Variants in CDH1 observed in about 807,000 individuals in gnomAD.
CDH1 encodes the protein cadherin 1, also known as cadherin-1.
In CDH1, 35 loss-of-function variants were observed where a neutral mutation model predicts 84.5. That is an observed-to-expected ratio of 0.41 (90% CI 0.32 to 0.55). The LOEUF (loss-of-function observed/expected upper bound fraction) is 0.55, where lower values mean the gene tolerates loss of function less well. Among genes scored for constraint, CDH1 ranks in the 20% least tolerant of loss-of-function variants. The pLI, the probability that CDH1 is intolerant of heterozygous loss-of-function variation, is 0.19. For synonymous variants in CDH1, 417 were observed against 439.0 expected, an observed-to-expected ratio of 0.95 and a Z score of 0.63; for missense variants, 994 against 1,126.6, an observed-to-expected ratio of 0.88 and a Z score of 1.68.
intron 2 of CDH1, among the ~76,000 whole-genome samples, chr16:68,775,443 G>A (rs1198782290): frequency 1.3e-5 from 2 of 152,100 alleles, no homozygotes; most frequent in African/African-American, 2.4e-5. Flanking sequence ...ATCACCTCCC[G>A]AGATCCTTGT....
At position 68,829,774 on chromosome 16, in the gene CDH1, G is replaced by A. The variant is rs376922615; in HGVS notation, c.2416G>A (p.Glu806Lys). The A allele has an allele frequency of 2.5e-5, 40 of 1,613,816 alleles. No individual in the cohort carries two copies. The highest frequency in any genetic ancestry group is 3.2e-5 in the Non-Finnish European group (38 of 1,179,994). Residue 806 changes from glutamate to lysine, a missense_variant, in exon 15 of 16, where the codon GAA (glutamate) becomes AAA (lysine). Coordinates refer to ENST00000261769, the MANE Select transcript of CDH1 (RefSeq NM_004360.5). ...RYLPRPANPD[E>K]IGNFIDENLK... ...TCTTCCCCGCCCTGCCAATCCCGAT[G>A]AAATTGGAAATTTTATTGATGAAGT...
At chr16:68,768,723 A>G (rs1959458197) in intron 2 of CDH1, among the ~76,000 whole-genome samples, 2 of 152,168 alleles carry the variant, frequency 1.3e-5, no homozygotes, top group East Asian at 1.9e-4. Flanking sequence ...AATTGTGTGT[A>G]AAGTCACTAT....
At chr16:68,751,952 AT>A (rs34163550) in intron 2 of CDH1, among the ~76,000 whole-genome samples, 69,310 of 125,498 alleles carry the variant, frequency 0.55, 18,244 homozygotes, top group Non-Finnish European at 0.6. Flanking sequence ...GTATTTTTGT[AT>A]TTTTTTTTTT....
At chr16:68,781,797 G>A (rs1249416992) in intron 2 of CDH1, among the ~76,000 whole-genome samples, 1 of 152,062 alleles carries the variant, frequency 6.6e-6, no homozygotes, top group African/African-American at 2.4e-5. Flanking sequence ...ATCCCTTTGG[G>A]ATCTGAGACT....
intron 2 of CDH1, among the ~76,000 whole-genome samples, chr16:68,759,487 C>CTTTTTTTTTTTTTTTT (rs141278700): frequency 7.3e-6 from 1 of 136,126 alleles, no homozygotes. Context: ...TCTTTTCTTT[C>CTTTTTTTTTTTTTTTT]TTTTTTTTTT....
chr16:68,806,069 T>C (rs2152128672), intron 3 of CDH1, among the ~76,000 whole-genome samples: 1 of 152,290 alleles, frequency 6.6e-6, no homozygotes, highest in African/African-American at 2.4e-5. Context: ...TGCCTCAGCC[T>C]CCTGAGTAGC....
chr16:68,800,161 A>T (rs988878109), intron 2 of CDH1, among the ~76,000 whole-genome samples: 1 of 151,916 alleles, frequency 6.6e-6, no homozygotes, highest in South Asian at 2.1e-4. Flanking sequence ...GCAACATAAC[A>T]AGATCCCATC....
intron 2 of CDH1, among the ~76,000 whole-genome samples, chr16:68,755,760 ATTTT>A (rs34523825): frequency 1.6e-5 from 2 of 122,456 alleles, no homozygotes; most frequent in Non-Finnish European, 1.7e-5. Flanking sequence ...AGTTTTCTAA[ATTTT>A]TTTTTTTTTT....
At chr16:68,775,904 C>T (rs2152121357) in intron 2 of CDH1, among the ~76,000 whole-genome samples, 1 of 152,306 alleles carries the variant, frequency 6.6e-6, no homozygotes, top group South Asian at 2.1e-4. Flanking sequence ...CCACAGGTCT[C>T]CCCCATCCAC....
intron 2 of CDH1, among the ~76,000 whole-genome samples, chr16:68,762,505 T>A (rs1038793259): frequency 1.1e-4 from 17 of 152,172 alleles, no homozygotes; most frequent in African/African-American, 3.9e-4. Flanking sequence ...CTTATGTCCA[T>A]CTTTTGGGGA....
At chr16:68,776,215 G>A (rs2152121381) in intron 2 of CDH1, among the ~76,000 whole-genome samples, 1 of 152,320 alleles carries the variant, frequency 6.6e-6, no homozygotes, top group East Asian at 1.9e-4. Flanking sequence ...TCAAACTCCT[G>A]ACTTCAAGTG....
chr16:68,758,958 G>T (rs1214876168), intron 2 of CDH1, among the ~76,000 whole-genome samples: 2 of 151,802 alleles, frequency 1.3e-5, no homozygotes, highest in Admixed American at 1.3e-4. Context: ...ACCATGCCTG[G>T]CTAATTTTTT....
At chr16:68,802,025 T>A in intron 3 of CDH1, 132 bp downstream of exon 3, 1 of 770,540 alleles carries the variant, frequency 1.3e-6, no homozygotes, top group Non-Finnish European at 2.2e-6. Context: ...GTGCACTGTG[T>A]AGGATGTTTA....
chr16:68,764,884 C>T (rs188962415), intron 2 of CDH1, among the ~76,000 whole-genome samples: 7 of 152,282 alleles, frequency 4.6e-5, no homozygotes, highest in East Asian at 1.9e-4. Flanking sequence ...GCTCCTAGTG[C>T]GGTGACGGTA....
At chr16:68,782,322 C>T (rs1048881899) in intron 2 of CDH1, among the ~76,000 whole-genome samples, 1 of 152,188 alleles carries the variant, frequency 6.6e-6, no homozygotes, top group Non-Finnish European at 1.5e-5. Flanking sequence ...ACTGCCTCTC[C>T]TTAGGGTGAC....
In CDH1 at chr16:68,786,534, C is replaced by CT. The variant is rs3074434; in HGVS notation, c.164-15117dup. ...CTTTCTGCTTTCTTTTTTTTTTTTT[C>CT]TTTTTTTTTTTTTTTTTTTGGTATT... On this transcript the variant is annotated intron_variant, in intron 2 of 15. Transcript: ENST00000261769. Among the ~76,000 whole-genome samples, 151 of 73,944 alleles carry CT rather than the reference C, an allele frequency of 2.0e-3. No individual in the cohort carries two copies. The East Asian group carries it at 0.023, about 11-fold the overall frequency. The allele number at this position is 73,944 out of a possible 152,430, so 48.5% of individuals were successfully genotyped here.
chr16:68,798,504 G>T (rs1960419845), intron 2 of CDH1, among the ~76,000 whole-genome samples: 1 of 152,070 alleles, frequency 6.6e-6, no homozygotes, highest in Non-Finnish European at 1.5e-5. Context: ...ATTCAGGTTG[G>T]GGCTCCTCGT....
intron 3 of CDH1, among the ~76,000 whole-genome samples, chr16:68,802,929 C>T (rs1348605623): frequency 6.6e-6 from 1 of 152,166 alleles, no homozygotes; most frequent in Non-Finnish European, 1.5e-5. Context: ...TTAGGTCTGG[C>T]CCATACCAGG....
intron 2 of CDH1, among the ~76,000 whole-genome samples, chr16:68,750,533 C>T (rs1441666538): frequency 6.6e-6 from 1 of 151,824 alleles, no homozygotes; most frequent in Non-Finnish European, 1.5e-5. Context: ...CTCAGGACCC[C>T]GTGGGATAAT....
Sources: gnomAD v4.1 joint callset for allele counts (sites outside exome capture counted in the v4.1 genomes callset) on GRCh38, gnomAD v4.1.1 for gene constraint, MANE v1.5 for transcripts, NCBI Gene and HGNC (gene_info 2026-07-23, HGNC 2026-07-21) for gene names.